TIAL1: variants seen among roughly 807,000 people sequenced by gnomAD.
The protein encoded by TIAL1 is nucleolysin TIAR.
In TIAL1, 7 loss-of-function variants were observed where a neutral mutation model predicts 59.7. The observed-to-expected ratio is 0.12, with a 90% CI of 0.07 to 0.22. TIAL1 has a LOEUF of 0.22. Ranked by LOEUF, TIAL1 falls within the 10% of genes least tolerant of loss-of-function variation. The probability of loss-of-function intolerance (pLI) is 1.00; values close to 1 mark genes in which losing one functional copy is unlikely to be tolerated. For synonymous variants in TIAL1, 149 were observed against 146.3 expected, an observed-to-expected ratio of 1.02 and a Z score of -0.13; for missense variants, 225 against 462.5, an observed-to-expected ratio of 0.49 and a Z score of 4.71.
chr10:119,591,880 T>C (rs1281832178), intron 1 of TIAL1: 3 of 152,348 alleles, frequency 2.0e-5, no homozygotes, highest in East Asian at 3.9e-4. Context: ...TAAAATACTG[T>C]ACTATTCTAT....
chr10:119,576,939 C>T (rs1845021616), intron 10 of TIAL1, 141 bp downstream of exon 10: 1 of 1,340,786 alleles, frequency 7.5e-7, no homozygotes, highest in Non-Finnish European at 1.0e-6. Flanking sequence ...TCAGTTAATA[C>T]CGCAAATAAT....
chr10:119,590,510 G>T (rs980344508), intron 1 of TIAL1, among the ~76,000 whole-genome samples: 1 of 152,052 alleles, frequency 6.6e-6, no homozygotes, highest in Non-Finnish European at 1.5e-5. Context: ...AGGAGTTTGA[G>T]ACCAGCCTGA....
chr10:119,590,770 A>C (rs150004202), intron 1 of TIAL1, among the ~76,000 whole-genome samples: 2 of 79,648 alleles, frequency 2.5e-5, no homozygotes, highest in African/African-American at 6.1e-5. Context: ...GAGAGAAAGA[A>C]AGAAAGAAAG....
chr10:119,584,244 CTAATT>C (rs1362820726), intron 2 of TIAL1, among the ~76,000 whole-genome samples: 4 of 152,134 alleles, frequency 2.6e-5, no homozygotes, highest in South Asian at 2.1e-4. Context: ...TGCATATCAT[CTAATT>C]TAAGACACCA....
rs926167084 is a variant in TIAL1, at chr10:119,574,360, C to G, written c.*1305G>C. On this transcript the variant is annotated 3_prime_UTR_variant, in exon 12 of 12. Transcript: ENST00000436547. ...TTAATTGAAAATAAAAGCCACAACT[C>G]TGTGTACTATTTAAACTGAATATCC... 1.3e-5 allele frequency: 2 copies of G among 152,124 alleles called. No homozygotes were observed. Among genetic ancestry groups the G allele is most frequent in the Non-Finnish European group, 2.9e-5 (2 of 68,002 alleles). 9.4% of individuals were successfully genotyped at this position (152,124 alleles called of 1,614,324 possible).
rs1846212121 is a variant in TIAL1, at chr10:119,596,572, G to C, written c.-107C>G. ...GCTCTGGGCACCGGCTGGGGACAGAGGAAAAGGCACCGAACCCTGCTCTCG... is the reference window on the plus strand; with the variant it reads ...GCTCTGGGCACCGGCTGGGGACAGACGAAAAGGCACCGAACCCTGCTCTCG... On this transcript the variant is annotated 5_prime_UTR_variant, in exon 1 of 12. Transcript: ENST00000436547. The C allele has an allele frequency of 9.8e-6, 9 of 918,174 alleles. No individual in the cohort carries two copies. Among genetic ancestry groups the C allele is most frequent in the African/African-American group, 3.3e-5 (2 of 60,618 alleles). The allele number at this position is 918,174 out of a possible 1,614,324, so 56.9% of individuals were successfully genotyped here. A position where few individuals can be genotyped will look rare whatever the true frequency, so the allele number is the denominator to read the frequency against.
At chr10:119,589,253 T>A (rs565753843) in intron 1 of TIAL1, among the ~76,000 whole-genome samples, 36 of 152,250 alleles carry the variant, frequency 2.4e-4, no homozygotes, top group Non-Finnish European at 2.9e-4. Flanking sequence ...TCACCCAGGC[T>A]GGAGTGCAGT....
intron 1 of TIAL1, 130 bp downstream of exon 1, chr10:119,596,304 C>T: frequency 3.2e-6 from 3 of 936,876 alleles, no homozygotes; most frequent in Non-Finnish European, 5.1e-6. Context: ...ATGCACTTCG[C>T]GTCCACGCCG....
chr10:119,591,847 TGA>T (rs1296278620), intron 1 of TIAL1: 2 of 152,240 alleles, frequency 1.3e-5, no homozygotes, highest in African/African-American at 4.8e-5. Context: ...TCATAACACT[TGA>T]GAGACGTATT....
In TIAL1 at chr10:119,574,600, A is replaced by AC. The variant is rs1385409168; in HGVS notation, c.*1064_*1065insG. On this transcript the variant is annotated 3_prime_UTR_variant, in exon 12 of 12. Transcript: ENST00000436547. Reference sequence around the variant, plus strand: ...GTAATGTAAAGCAAAAAAAAAAAAAAAAAAAAACAAAAACAAAAAACTAAT... The same window carrying AC: ...GTAATGTAAAGCAAAAAAAAAAAAAACAAAAAAACAAAAACAAAAAACTAAT... The AC allele has an allele frequency of 3.2e-4, 47 of 145,534 alleles. No homozygotes were observed. The highest frequency in any genetic ancestry group is 3.4e-3 in the Middle Eastern group (1 of 294). 9.0% of individuals were successfully genotyped at this position (145,534 alleles called of 1,614,324 possible). A position where few individuals can be genotyped will look rare whatever the true frequency, so the allele number is the denominator to read the frequency against.
In TIAL1 at chr10:119,582,592, C is replaced by T; in HGVS notation, c.130-35G>A. The T allele has an allele frequency of 6.2e-7, 1 of 1,602,574 alleles. No homozygotes were observed. The highest frequency in any genetic ancestry group is 8.5e-7 in the Non-Finnish European group (1 of 1,176,138). ...AGAAAATCCAACAGAAGAGTTGACC[C>T]TTCTGCTATCGGGTTGCTGAGAAGA... is the stretch of plus-strand genomic sequence containing the variant. On this transcript the variant is annotated intron_variant, in intron 2 of 11. Transcript: ENST00000436547. The surrounding 1 kb of genome is among the most constrained non-coding windows in gnomAD (Gnocchi z 5.1).
At chr10:119,590,042 G>T (rs1027477496) in intron 1 of TIAL1, among the ~76,000 whole-genome samples, 1 of 152,172 alleles carries the variant, frequency 6.6e-6, no homozygotes, top group Non-Finnish European at 1.5e-5. Flanking sequence ...GACTGAGAAA[G>T]CTTAGGTTAA....
At chr10:119,586,068 G>A (rs1241717998) in intron 2 of TIAL1, among the ~76,000 whole-genome samples, 1 of 152,086 alleles carries the variant, frequency 6.6e-6, no homozygotes, top group Non-Finnish European at 1.5e-5. Flanking sequence ...ATGGCTTCAT[G>A]GATTCAAATA....
chr10:119,588,558 G>A (rs1845689259), intron 1 of TIAL1, among the ~76,000 whole-genome samples: 1 of 152,104 alleles, frequency 6.6e-6, no homozygotes, highest in South Asian at 2.1e-4. Flanking sequence ...TGGTCAGGCT[G>A]GTCTTGAACT....
chr10:119,588,084 A>G, intron 2 of TIAL1, 68 bp downstream of exon 2: 2 of 958,424 alleles, frequency 2.1e-6, no homozygotes, highest in Non-Finnish European at 3.0e-6. Flanking sequence ...GCTTACAATG[A>G]AATTTTAAAA....
intron 2 of TIAL1, among the ~76,000 whole-genome samples, chr10:119,586,675 G>A: frequency 6.6e-6 from 1 of 152,188 alleles, no homozygotes; most frequent in Non-Finnish European, 1.5e-5. Context: ...GAATCCTGCT[G>A]TTAGACTCAT....
chr10:119,579,534 C>T (rs142210848), intron 6 of TIAL1, among the ~76,000 whole-genome samples: 1,698 of 152,188 alleles, frequency 0.011, 19 homozygotes, highest in Non-Finnish European at 0.015. Context: ...TCATTCACAT[C>T]CCAGTTATAT....
Position 119,580,302 on chromosome 10 carries a change from A to G in TIAL1, c.372-292T>C, listed in dbSNP as rs181256030. On this transcript the variant is annotated intron_variant, in intron 5 of 11. Transcript: ENST00000436547. ...CAACAGTTTCCCTTTCTAATATTCT[A>G]TTTACTAGTGTCCTCTAAGGTTTAC... is the stretch of plus-strand genomic sequence containing the variant. 1,508 of 336,244 alleles carry G rather than the reference A, an allele frequency of 4.5e-3. 13 individuals carry two copies. The highest frequency in any genetic ancestry group is 4.2e-3 in the Non-Finnish European group (810 of 194,144). 20.8% of individuals were successfully genotyped at this position (336,244 alleles called of 1,614,324 possible).
chr10:119,596,641 G>A lies in TIAL1; in HGVS notation c.-176C>T. 1 of 601,730 alleles carries A rather than the reference G, an allele frequency of 1.7e-6. No individual in the cohort carries two copies. The highest frequency in any genetic ancestry group is 2.9e-6 in the Non-Finnish European group (1 of 339,480). The allele number at this position is 601,730 out of a possible 1,614,324, so 37.3% of individuals were successfully genotyped here. A position where few individuals can be genotyped will look rare whatever the true frequency, so the allele number is the denominator to read the frequency against. The stretch of plus-strand genomic sequence containing the variant: ...CGCTCCGGACACTGCGCTCCAACCA[G>A]GAGGAGCAGGAGGAGGAGGAGGATG... On this transcript the variant is annotated 5_prime_UTR_variant, in exon 1 of 12. Coordinates refer to ENST00000436547, the MANE Select transcript of TIAL1 (RefSeq NM_003252.4).
Sources: allele counts gnomAD v4.1 joint callset (sites outside exome capture counted in the v4.1 genomes callset), GRCh38; gene constraint gnomAD v4.1.1; non-coding constraint Gnocchi (gnomAD v3.1); transcripts MANE v1.5; gene names NCBI Gene and HGNC (gene_info 2026-07-23, HGNC 2026-07-21).